The following NEK11 variants were observed in gnomAD, a reference collection of about 807,000 sequenced individuals.
NEK11 encodes the protein serine/threonine-protein kinase Nek11.
In NEK11, 72 loss-of-function variants were observed where a neutral mutation model predicts 80.7. The observed-to-expected ratio is 0.89, with a 90% CI of 0.74 to 1.08. The LOEUF (loss-of-function observed/expected upper bound fraction) is 1.08, where lower values mean the gene tolerates loss of function less well. NEK11 is among the 50% of genes least tolerant of loss of function. NEK11 has a pLI of 0.00. For missense variants in NEK11, 764 were observed against 763.6 expected (o/e 1.00, Z -0.01); for synonymous variants, 251 against 260.7 (o/e 0.96, Z 0.36).
intron 7 of NEK11, among the ~76,000 whole-genome samples, chr3:131,138,332 A>G (rs2086074669): frequency 6.6e-6 from 1 of 152,114 alleles, no homozygotes; most frequent in Non-Finnish European, 1.5e-5. Flanking sequence ...TGCACATAGG[A>G]AGGGGAGGAA....
intron 17 of NEK11, among the ~76,000 whole-genome samples, chr3:131,344,976 A>G (rs897666027): frequency 2.0e-5 from 3 of 152,156 alleles, no homozygotes; most frequent in Non-Finnish European, 4.4e-5. Flanking sequence ...AGTCCCTTAT[A>G]ATCCTTTTTT....
chr3:131,151,764 T>G lies in NEK11; in HGVS notation c.648-624T>G, dbSNP rs185918165. Among the ~76,000 whole-genome samples, 740 of 152,140 alleles carry G rather than the reference T, an allele frequency of 4.9e-3. 11 individuals are homozygous for G. Among genetic ancestry groups the G allele is most frequent in the African/African-American group, 0.017 (704 of 41,528 alleles). On this transcript the variant is annotated intron_variant, in intron 7 of 17. Transcript: ENST00000383366. ...TCCGGCTGGTTTAGAGGTTATTGAT[T>G]TGCATGGTTAATCCAAATCAGTGTT...
intron 16 of NEK11, among the ~76,000 whole-genome samples, chr3:131,244,885 C>T (rs1414993380): frequency 6.6e-6 from 1 of 152,102 alleles, no homozygotes; most frequent in Non-Finnish European, 1.5e-5. Flanking sequence ...GATTATACCA[C>T]TGTACTTCAG....
chr3:131,112,898 T>C (rs975685146), intron 5 of NEK11, among the ~76,000 whole-genome samples: 7 of 152,174 alleles, frequency 4.6e-5, no homozygotes, highest in Non-Finnish European at 8.8e-5. Context: ...TTTTGGAGCA[T>C]AGACATTGAA....
chr3:131,122,662 G>T (rs2082592483), intron 5 of NEK11, among the ~76,000 whole-genome samples: 2 of 146,414 alleles, frequency 1.4e-5, no homozygotes, highest in African/African-American at 5.0e-5. Flanking sequence ...AGACCTCCAG[G>T]GAGGGTTTCA....
chr3:131,333,506 C>T (rs1418143652), intron 17 of NEK11, among the ~76,000 whole-genome samples: 1 of 152,128 alleles, frequency 6.6e-6, no homozygotes, highest in African/African-American at 2.4e-5. Flanking sequence ...CCAGCCACTG[C>T]AAAATCATGC....
At chr3:131,071,484 G>T (rs1317152578) in intron 3 of NEK11, among the ~76,000 whole-genome samples, 1 of 150,640 alleles carries the variant, frequency 6.6e-6, no homozygotes. Flanking sequence ...TTTCTTTCTT[G>T]CCTCTCATTT....
chr3:131,124,403 A>G (rs1322716051), intron 5 of NEK11, among the ~76,000 whole-genome samples: 1 of 152,242 alleles, frequency 6.6e-6, no homozygotes, highest in Non-Finnish European at 1.5e-5. Context: ...CCAGTAGAAC[A>G]GATATCCCTG....
At chr3:131,236,239 G>A (rs1468807509) in intron 15 of NEK11, among the ~76,000 whole-genome samples, 3 of 152,130 alleles carry the variant, frequency 2.0e-5, no homozygotes, top group Non-Finnish European at 4.4e-5. Context: ...ATTGATTAGA[G>A]GTAGCTTTTC....
At chr3:131,287,159 A>T (rs768656456) in intron 17 of NEK11, among the ~76,000 whole-genome samples, 4 of 152,202 alleles carry the variant, frequency 2.6e-5, no homozygotes, top group South Asian at 2.1e-4. Flanking sequence ...GCAGCCAAGG[A>T]TTGTTCAGCA....
chr3:131,273,414 G>C, intron 16 of NEK11, 64 bp from the exon 17 acceptor site: 1 of 1,283,920 alleles, frequency 7.8e-7, no homozygotes, highest in Non-Finnish European at 1.1e-6. Flanking sequence ...GATTGCCCTT[G>C]AACATCGCCT....
intron 17 of NEK11, among the ~76,000 whole-genome samples, chr3:131,307,155 C>T (rs1351548237): frequency 1.3e-5 from 2 of 152,182 alleles, no homozygotes; most frequent in African/African-American, 4.8e-5. Flanking sequence ...CACCTTTCTT[C>T]GTATCCTGTA....
chr3:131,119,147 C>T (rs1463136695), intron 5 of NEK11, among the ~76,000 whole-genome samples: 6 of 152,140 alleles, frequency 3.9e-5, no homozygotes, highest in Non-Finnish European at 7.4e-5. Context: ...TTAAATGTGT[C>T]CCAGAGATTC....
At chr3:131,039,942 G>T (rs902293655) in intron 3 of NEK11, among the ~76,000 whole-genome samples, 3 of 152,074 alleles carry the variant, frequency 2.0e-5, no homozygotes, top group Admixed American at 1.3e-4. Context: ...TCCTAAGCTT[G>T]GTTTTTGGAA....
chr3:131,299,859 G>A (rs190375975), intron 17 of NEK11, among the ~76,000 whole-genome samples: 176 of 152,184 alleles, frequency 1.2e-3, no homozygotes, highest in Admixed American at 3.4e-3. Context: ...TGTCTTTATC[G>A]TAGAATGATT....
chr3:131,256,042 C>T (rs1363499748), intron 16 of NEK11, among the ~76,000 whole-genome samples: 1 of 152,050 alleles, frequency 6.6e-6, no homozygotes, highest in African/African-American at 2.4e-5. Context: ...AATTTGTCTC[C>T]AAAGGCTGGG....
intron 3 of NEK11, among the ~76,000 whole-genome samples, chr3:131,068,624 G>A (rs1040607839): frequency 3.3e-5 from 5 of 152,080 alleles, no homozygotes; most frequent in Admixed American, 6.6e-5. Flanking sequence ...GACAACTTGG[G>A]CAGGCGGGAG....
rs928201085 is a variant in NEK11 at position 131,175,437 on chromosome 3, A to G, written c.1399+4550A>G. ...ACACTGAAAAGGAACACACACCAAT[A>G]TATACAACAATATAGATAAATACTT... On this transcript the variant is annotated intron_variant, in intron 14 of 17. Coordinates refer to ENST00000383366, the MANE Select transcript of NEK11 (RefSeq NM_024800.5). Among the ~76,000 whole-genome samples, 4 of 152,248 alleles carry G rather than the reference A, an allele frequency of 2.6e-5. No homozygotes were observed. In the East Asian group the frequency reaches 5.8e-4, roughly 22 times the overall value.
chr3:131,308,510 A>C (rs1269314089), intron 17 of NEK11, among the ~76,000 whole-genome samples: 1 of 152,100 alleles, frequency 6.6e-6, no homozygotes, highest in East Asian at 1.9e-4. Context: ...AACACAATAA[A>C]TTTACACCCC....
Sources: allele counts gnomAD v4.1 joint callset (sites outside exome capture counted in the v4.1 genomes callset), GRCh38; gene constraint gnomAD v4.1.1; transcripts MANE v1.5; gene names NCBI Gene and HGNC (gene_info 2026-07-23, HGNC 2026-07-21).